Variants in SDK1 observed in about 807,000 individuals in gnomAD.
SDK1 encodes the protein sidekick cell adhesion molecule 1.
In SDK1, 157 loss-of-function variants were observed where a neutral mutation model predicts 245.5. That is an observed-to-expected ratio of 0.64 (90% confidence interval 0.56 to 0.73). The LOEUF is 0.73. Among genes scored for constraint, SDK1 ranks in the 30% least tolerant of loss-of-function variants. SDK1 has a pLI of 0.00. For synonymous variants in SDK1, 1,647 were observed against 1,278.5 expected, an observed-to-expected ratio of 1.29 and a Z score of -6.15; for missense variants, 3,583 against 3,002.3, an observed-to-expected ratio of 1.19 and a Z score of -4.52.
At chr7:3,804,125 T>C (rs1583430857) in intron 4 of SDK1, among the ~76,000 whole-genome samples, 1 of 152,314 alleles carries the variant, frequency 6.6e-6, no homozygotes, top group East Asian at 1.9e-4. Flanking sequence ...TGAAGTCCAA[T>C]TGACTGAATT....
In SDK1 at chr7:4,018,009, A is replaced by C. The variant is rs75174904; in HGVS notation, c.2602+657A>C. The stretch of plus-strand genomic sequence containing the variant: ...TCTGAAAGATTCAGATCTCAGCCCC[A>C]GGAGGAGCCAGCATTGGGAGATCTC... On this transcript the variant is annotated intron_variant, in intron 17 of 44. Transcript: ENST00000404826. 9.7e-3 allele frequency among the ~76,000 whole-genome samples: 1,484 copies of C among 152,274 alleles called. 24 individuals are homozygous for C. Among genetic ancestry groups the C allele is most frequent in the African/African-American group, 0.034 (1,423 of 41,550 alleles).
At chr7:3,823,686 T>C (rs1037154056) in intron 5 of SDK1, among the ~76,000 whole-genome samples, 6 of 152,228 alleles carry the variant, frequency 3.9e-5, no homozygotes, top group African/African-American at 1.4e-4. Flanking sequence ...TATGTATTTT[T>C]TAACTTTTCA....
chr7:3,616,139 G>A (rs1781765236), intron 1 of SDK1, among the ~76,000 whole-genome samples: 1 of 152,178 alleles, frequency 6.6e-6, no homozygotes, highest in Admixed American at 6.5e-5. Context: ...TTCCGCCTCA[G>A]CCTCCCAAAG....
At chr7:3,628,302 G>T (rs1782181206) in intron 2 of SDK1, among the ~76,000 whole-genome samples, 1 of 151,990 alleles carries the variant, frequency 6.6e-6, no homozygotes, top group African/African-American at 2.4e-5. Flanking sequence ...ATAGAATCTT[G>T]CTCTGTTGCT....
chr7:3,892,758 T>C (rs1020011898), intron 5 of SDK1, among the ~76,000 whole-genome samples: 3 of 152,178 alleles, frequency 2.0e-5, no homozygotes, highest in Admixed American at 2.0e-4. Flanking sequence ...CATCCAGCTA[T>C]GCAGCCAGCT....
chr7:3,461,460 A>G (rs900289797), intron 1 of SDK1, among the ~76,000 whole-genome samples: 1 of 152,214 alleles, frequency 6.6e-6, no homozygotes, highest in Non-Finnish European at 1.5e-5. Context: ...TTCTTTGTAC[A>G]GAAGTCATTG....
At chr7:4,244,997 T>C (rs963906975) in intron 43 of SDK1, among the ~76,000 whole-genome samples, 1 of 152,224 alleles carries the variant, frequency 6.6e-6, no homozygotes, top group African/African-American at 2.4e-5. Context: ...TAATGTCATG[T>C]GATCATGGGC....
chr7:3,693,393 C>G (rs369554021), intron 4 of SDK1, among the ~76,000 whole-genome samples: 21 of 152,176 alleles, frequency 1.4e-4, no homozygotes, highest in African/African-American at 5.1e-4. Flanking sequence ...TCACAATGGA[C>G]AGTTCAAAAA....
intron 17 of SDK1, among the ~76,000 whole-genome samples, chr7:4,024,669 C>A (rs1044758568): frequency 6.6e-6 from 1 of 152,150 alleles, no homozygotes; most frequent in African/African-American, 2.4e-5. Flanking sequence ...CATCATATCC[C>A]TATTGGACAG....
chr7:4,186,789 G>A (rs898889404), intron 35 of SDK1, among the ~76,000 whole-genome samples: 1 of 152,176 alleles, frequency 6.6e-6, no homozygotes, highest in African/African-American at 2.4e-5. Context: ...GAGGTGCCTT[G>A]GAATCTCCTG....
At chr7:3,426,422 C>A (rs1188501493) in intron 1 of SDK1, among the ~76,000 whole-genome samples, 4 of 152,188 alleles carry the variant, frequency 2.6e-5, no homozygotes, top group Non-Finnish European at 5.9e-5. Flanking sequence ...CATTTACTAG[C>A]TGTGCCACCC....
chr7:4,245,912 C>G, intron 44 of SDK1, 107 bp downstream of exon 44: 5 of 1,358,674 alleles, frequency 3.7e-6, no homozygotes, highest in Non-Finnish European at 5.1e-6. Context: ...CATAACATCC[C>G]CACAGGCAGA....
chr7:4,077,413 C>A (rs1780760296), intron 21 of SDK1, among the ~76,000 whole-genome samples: 1 of 152,246 alleles, frequency 6.6e-6, no homozygotes, highest in African/African-American at 2.4e-5. Flanking sequence ...TCCCCTCCTG[C>A]TTTGGCCTCA....
intron 2 of SDK1, among the ~76,000 whole-genome samples, chr7:3,635,813 C>G (rs887530408): frequency 1.3e-5 from 2 of 152,118 alleles, no homozygotes; most frequent in African/African-American, 4.8e-5. Context: ...GTCAGGTGAT[C>G]TTCCCACCTC....
chr7:3,350,419 A>G (rs1412094034), intron 1 of SDK1, among the ~76,000 whole-genome samples: 1 of 152,174 alleles, frequency 6.6e-6, no homozygotes, highest in Non-Finnish European at 1.5e-5. Context: ...CTCAGCACAT[A>G]ACTGATTATT....
intron 1 of SDK1, among the ~76,000 whole-genome samples, chr7:3,448,393 G>C (rs1182427436): frequency 6.6e-6 from 1 of 151,808 alleles, no homozygotes; most frequent in East Asian, 1.9e-4. Context: ...TTTTATATTA[G>C]GGATATTAAC....
chr7:3,302,867 T>C (rs1334042439), intron 1 of SDK1, among the ~76,000 whole-genome samples: 4 of 152,204 alleles, frequency 2.6e-5, no homozygotes, highest in Admixed American at 6.5e-5. Flanking sequence ...TATTCTGAGA[T>C]TGGCGAAGAT....
At position 3,365,201 on chromosome 7, in the gene SDK1, C is replaced by G. The variant is rs74695184; in HGVS notation, c.298+63317C>G. Among the ~76,000 whole-genome samples the G allele has an allele frequency of 2.8e-3, 426 of 152,268 alleles. 3 individuals are homozygous for G. Among genetic ancestry groups the G allele is most frequent in the African/African-American group, 9.8e-3 (405 of 41,536 alleles). On this transcript the variant is annotated intron_variant, in intron 1 of 44. Coordinates refer to ENST00000404826, the MANE Select transcript of SDK1 (RefSeq NM_152744.4). ...AAAAAGTAAATTGGAGTGCCTCATACAGGAGTAGATTGTTTGCTAGAGAAT... is the reference window on the plus strand; with the variant it reads ...AAAAAGTAAATTGGAGTGCCTCATAGAGGAGTAGATTGTTTGCTAGAGAAT...
intron 7 of SDK1, among the ~76,000 whole-genome samples, chr7:3,952,716 T>C (rs1234674351): frequency 6.7e-6 from 1 of 150,238 alleles, no homozygotes; most frequent in Non-Finnish European, 1.5e-5. Context: ...AGAACAGAGA[T>C]GCTTCCTCAA....
Sources: gnomAD v4.1 joint callset for allele counts (sites outside exome capture counted in the v4.1 genomes callset) on GRCh38, gnomAD v4.1.1 for gene constraint, MANE v1.5 for transcripts, NCBI Gene and HGNC (gene_info 2026-07-23, HGNC 2026-07-21) for gene names.